The following FAM53B variants were observed in gnomAD, a reference collection of about 807,000 sequenced individuals.
The protein encoded by FAM53B is family with sequence similarity 53 member B.
FAM53B carries 12 observed loss-of-function variants against 32.7 expected under a neutral mutation model. That is an observed-to-expected ratio of 0.37 (90% CI 0.24 to 0.59). The LOEUF is 0.59. FAM53B is among the 20% of genes least tolerant of loss of function. The pLI is 0.72. For missense variants in FAM53B, 477 were observed against 577.7 expected (o/e 0.83, Z 1.79); for synonymous variants, 234 against 228.7 (o/e 1.02, Z -0.21).
chr10:124,661,361 T>C (rs1949630155), intron 4 of FAM53B, among the ~76,000 whole-genome samples: 1 of 152,104 alleles, frequency 6.6e-6, no homozygotes, highest in Non-Finnish European at 1.5e-5. Context: ...CCCCAGAAGG[T>C]TGAGAGAGGC....
intron 1 of FAM53B, among the ~76,000 whole-genome samples, chr10:124,715,271 G>A (rs1950032024): frequency 6.6e-6 from 1 of 152,226 alleles, no homozygotes; most frequent in Non-Finnish European, 1.5e-5. Context: ...AAAATGGGCA[G>A]ATGACGAGTA....
chr10:124,642,747 T>C (rs563191225), intron 4 of FAM53B, among the ~76,000 whole-genome samples: 6 of 152,324 alleles, frequency 3.9e-5, no homozygotes, highest in East Asian at 3.9e-4. Flanking sequence ...TTGGTTCTCA[T>C]TGTAAAATTA....
intron 1 of FAM53B, among the ~76,000 whole-genome samples, chr10:124,712,675 T>C (rs756278163): frequency 6.6e-6 from 1 of 152,116 alleles, no homozygotes; most frequent in Non-Finnish European, 1.5e-5. Flanking sequence ...TCCAGCCTGC[T>C]TCCATACACA....
chr10:124,623,170 G>A lies in FAM53B; in HGVS notation c.*72C>T. 1 of 1,498,240 alleles carries A rather than the reference G, an allele frequency of 6.7e-7. No individual in the cohort carries two copies. The highest frequency in any genetic ancestry group is 8.9e-7 in the Non-Finnish European group (1 of 1,122,870). The allele number at this position is 1,498,240 out of a possible 1,614,324, so 92.8% of individuals were successfully genotyped here. A position where few individuals can be genotyped will look rare whatever the true frequency, so the allele number is the denominator to read the frequency against. ...GCCCACGAGTTGGGCTCCCCTTCAA[G>A]GGCCCACCTAGTGCCCAGAGTGGGG... On this transcript the variant is annotated 3_prime_UTR_variant, in exon 5 of 5. Coordinates refer to ENST00000337318, the MANE Select transcript of FAM53B (RefSeq NM_014661.4).
At chr10:124,743,423 C>T (rs896968651) in intron 1 of FAM53B, among the ~76,000 whole-genome samples, 5 of 152,086 alleles carry the variant, frequency 3.3e-5, no homozygotes, top group Non-Finnish European at 5.9e-5. Context: ...CCGCGGGCTT[C>T]CCCCGCCCGG....
At chr10:124,687,564 G>C (rs1949810231) in intron 3 of FAM53B, among the ~76,000 whole-genome samples, 1 of 152,218 alleles carries the variant, frequency 6.6e-6, no homozygotes, top group Non-Finnish European at 1.5e-5. Flanking sequence ...GCTGAGGCTT[G>C]ACTCAGCCAG....
chr10:124,738,464 G>A (rs1383687332), intron 1 of FAM53B, among the ~76,000 whole-genome samples: 1 of 151,720 alleles, frequency 6.6e-6, no homozygotes, highest in African/African-American at 2.4e-5. Flanking sequence ...AGGGGCCCCA[G>A]CACGCTCCTA....
intron 1 of FAM53B, among the ~76,000 whole-genome samples, chr10:124,721,300 T>C (rs1477662607): frequency 6.6e-6 from 1 of 152,268 alleles, no homozygotes; most frequent in Non-Finnish European, 1.5e-5. Flanking sequence ...GTCCCCTGCC[T>C]GGACAGACTC....
chr10:124,669,100 G>C (rs574577102), intron 4 of FAM53B, among the ~76,000 whole-genome samples: 2 of 152,238 alleles, frequency 1.3e-5, no homozygotes, highest in African/African-American at 4.8e-5. Context: ...GGGGTGTAGG[G>C]GGTAGAAGGC....
In FAM53B at chr10:124,724,194, T is replaced by C. The variant is rs369522328; in HGVS notation, c.-174-17307A>G. Among the ~76,000 whole-genome samples the C allele has an allele frequency of 3.9e-5, 6 of 151,934 alleles. No individual in the cohort carries two copies. In the East Asian group the frequency reaches 1.2e-3, roughly 29 times the overall value. ...GATTTCCTAGAGGAAGCGGCATGAG[T>C]GTTGGGCAGGAGTTCAATGCCAGAG... On this transcript the variant is annotated intron_variant, in intron 1 of 4. Transcript: ENST00000337318.
intron 4 of FAM53B, among the ~76,000 whole-genome samples, chr10:124,656,359 C>T (rs1205869359): frequency 1.2e-4 from 18 of 152,230 alleles, no homozygotes; most frequent in Admixed American, 6.5e-5. Context: ...GTAGTGGGAG[C>T]GCAGGTGTTC....
intron 2 of FAM53B, among the ~76,000 whole-genome samples, chr10:124,702,038 A>T (rs1949917609): frequency 6.6e-6 from 1 of 152,132 alleles, no homozygotes; most frequent in Non-Finnish European, 1.5e-5. Flanking sequence ...GCCACATGAC[A>T]CCCAGGGTTG....
chr10:124,700,488 C>T (rs767177633), intron 2 of FAM53B, among the ~76,000 whole-genome samples: 1 of 152,106 alleles, frequency 6.6e-6, no homozygotes, highest in Non-Finnish European at 1.5e-5. Context: ...GAGCACATTT[C>T]CCCTTTGTGC....
intron 4 of FAM53B, among the ~76,000 whole-genome samples, chr10:124,633,357 AAATT>A (rs1273534422): frequency 1.3e-5 from 2 of 152,216 alleles, no homozygotes; most frequent in African/African-American, 4.8e-5. Context: ...AATTCTCCCT[AAATT>A]AATTCAGAAG....
chr10:124,639,396 C>A (rs1421339504), intron 4 of FAM53B, among the ~76,000 whole-genome samples: 1 of 152,234 alleles, frequency 6.6e-6, no homozygotes, highest in African/African-American at 2.4e-5. Flanking sequence ...CTGTTTGCCA[C>A]CAAACAGACA....
At chr10:124,694,458 C>T (rs1054335170) in intron 3 of FAM53B, among the ~76,000 whole-genome samples, 6 of 152,236 alleles carry the variant, frequency 3.9e-5, no homozygotes, top group African/African-American at 7.2e-5. Context: ...CTCTCTCTGT[C>T]ATCACAAACC....
intron 4 of FAM53B, among the ~76,000 whole-genome samples, chr10:124,624,545 C>A (rs974530506): frequency 1.7e-4 from 26 of 152,202 alleles, no homozygotes; most frequent in South Asian, 2.1e-4. Flanking sequence ...GTAGGCTGCG[C>A]AGAAGCTTCT....
intron 4 of FAM53B, among the ~76,000 whole-genome samples, chr10:124,657,060 GTATA>G (rs58992450): frequency 1.6e-4 from 12 of 77,414 alleles, no homozygotes; most frequent in East Asian, 4.0e-4. Flanking sequence ...ATGTATATAT[GTATA>G]TATATATGTA....
intron 4 of FAM53B, among the ~76,000 whole-genome samples, chr10:124,641,259 G>A (rs1441476936): frequency 1.3e-5 from 2 of 152,218 alleles, no homozygotes; most frequent in African/African-American, 4.8e-5. Context: ...AGTTTCTACA[G>A]TGACCAATAA....
Sources: allele counts gnomAD v4.1 joint callset (sites outside exome capture counted in the v4.1 genomes callset), GRCh38; gene constraint gnomAD v4.1.1; transcripts MANE v1.5; gene names NCBI Gene and HGNC (gene_info 2026-07-23, HGNC 2026-07-21).